The following DLG2 variants were observed in gnomAD, a reference collection of about 807,000 sequenced individuals.
DLG2 encodes discs large MAGUK scaffold protein 2, also known as disks large homolog 2.
DLG2 carries 45 observed loss-of-function variants against 132.5 expected under a neutral mutation model. The ratio of observed to expected loss-of-function variants is 0.34; its 90% CI spans 0.27 to 0.44. DLG2 has a LOEUF of 0.44. Ranked by LOEUF, DLG2 falls within the 20% of genes least tolerant of loss-of-function variation. The probability of loss-of-function intolerance (pLI) is 1.00; values close to 1 mark genes in which losing one functional copy is unlikely to be tolerated. For synonymous variants in DLG2, 424 were observed against 419.6 expected, an observed-to-expected ratio of 1.01 and a Z score of -0.13; for missense variants, 1,045 against 1,196.9, an observed-to-expected ratio of 0.87 and a Z score of 1.87.
chr11:84,321,477 A>G (rs983134680), intron 7 of DLG2, among the ~76,000 whole-genome samples: 5 of 152,182 alleles, frequency 3.3e-5, no homozygotes, highest in Admixed American at 2.6e-4. Context: ...ATCATGACCC[A>G]TGTGATCTGG....
At chr11:85,399,878 C>T (rs1172647819) in intron 3 of DLG2, among the ~76,000 whole-genome samples, 1 of 152,024 alleles carries the variant, frequency 6.6e-6, no homozygotes, top group Non-Finnish European at 1.5e-5. Context: ...TGGGCAAGGA[C>T]TTCATGTCTA....
At chr11:85,214,799 T>G (rs568493617) in intron 4 of DLG2, among the ~76,000 whole-genome samples, 1 of 152,316 alleles carries the variant, frequency 6.6e-6, no homozygotes, top group East Asian at 1.9e-4. Context: ...ACAAGACCAA[T>G]AAATACTCTG....
At chr11:83,996,346 A>G (rs1204834981) in intron 11 of DLG2, among the ~76,000 whole-genome samples, 1 of 152,188 alleles carries the variant, frequency 6.6e-6, no homozygotes, top group Non-Finnish European at 1.5e-5. Flanking sequence ...GGATATGGGA[A>G]AAAGGTAACC....
chr11:84,475,580 A>C (rs2154491842), intron 7 of DLG2, among the ~76,000 whole-genome samples: 1 of 152,174 alleles, frequency 6.6e-6, no homozygotes, highest in East Asian at 1.9e-4. Flanking sequence ...ATTGTTTTGC[A>C]ACCTAGTTGT....
At chr11:84,364,558 G>A (rs2098670406) in intron 7 of DLG2, among the ~76,000 whole-genome samples, 2 of 152,136 alleles carry the variant, frequency 1.3e-5, no homozygotes, top group Non-Finnish European at 2.9e-5. Context: ...TCGAATAGGA[G>A]TGGTGAGAGA....
intron 7 of DLG2, among the ~76,000 whole-genome samples, chr11:84,498,680 T>G (rs921907944): frequency 6.6e-6 from 1 of 152,220 alleles, no homozygotes; most frequent in Non-Finnish European, 1.5e-5. Context: ...TATGAAGTGC[T>G]GAGGCAGCCA....
chr11:85,146,021 A>C (rs1476451506), intron 5 of DLG2, among the ~76,000 whole-genome samples: 1 of 152,090 alleles, frequency 6.6e-6, no homozygotes, highest in Non-Finnish European at 1.5e-5. Context: ...TGGTGATCGA[A>C]GTCTCTGGTC....
At chr11:85,114,845 G>A (rs1167523270) in intron 5 of DLG2, among the ~76,000 whole-genome samples, 1 of 151,518 alleles carries the variant, frequency 6.6e-6, no homozygotes, top group Non-Finnish European at 1.5e-5. Flanking sequence ...TTTTTTTTGT[G>A]TATCAGGGGC....
chr11:83,827,800 G>T (rs2053312483), intron 17 of DLG2, among the ~76,000 whole-genome samples: 1 of 152,226 alleles, frequency 6.6e-6, no homozygotes, highest in South Asian at 2.1e-4. Flanking sequence ...TCTGCAGAAA[G>T]AATGCCTGAG....
In DLG2 at chr11:84,142,648, C is replaced by T. The variant is rs970682863; in HGVS notation, c.624+20813G>A. Among the ~76,000 whole-genome samples the T allele has an allele frequency of 5.7e-4, 86 of 152,034 alleles. 1 individual carries two copies. The highest frequency in any genetic ancestry group is 2.0e-3 in the African/African-American group (82 of 41,400). ...GAGAGTCATCCAATCTGTTGAGGTC[C>T]CAGATAGAACAAAAAGGCAGAGGAA... On this transcript the variant is annotated intron_variant, in intron 9 of 27. Coordinates refer to ENST00000376104, the MANE Select transcript of DLG2 (RefSeq NM_001142699.3).
At chr11:83,993,981 T>C (rs1592604140) in intron 11 of DLG2, among the ~76,000 whole-genome samples, 1 of 152,120 alleles carries the variant, frequency 6.6e-6, no homozygotes, top group East Asian at 1.9e-4. Flanking sequence ...CGGTGGATCT[T>C]GAAAAATTTC....
At chr11:85,275,154 C>T (rs2077808412) in intron 4 of DLG2, among the ~76,000 whole-genome samples, 1 of 152,134 alleles carries the variant, frequency 6.6e-6, no homozygotes, top group Admixed American at 6.5e-5. Context: ...GAAGCTTTCC[C>T]TCAGCCCAAC....
At chr11:83,863,917 A>G (rs2061853319) in intron 16 of DLG2, among the ~76,000 whole-genome samples, 1 of 152,178 alleles carries the variant, frequency 6.6e-6, no homozygotes, top group Admixed American at 6.6e-5. Flanking sequence ...GGATGCTCAC[A>G]CATTTTATTA....
At chr11:84,571,645 T>C (rs2099485313) in intron 6 of DLG2, among the ~76,000 whole-genome samples, 1 of 152,120 alleles carries the variant, frequency 6.6e-6, no homozygotes, top group African/African-American at 2.4e-5. Context: ...GCACACTTTT[T>C]TTCTACACAG....
At chr11:84,107,894 T>G (rs181554828) in intron 9 of DLG2, among the ~76,000 whole-genome samples, 58 of 152,160 alleles carry the variant, frequency 3.8e-4, no homozygotes, top group Non-Finnish European at 7.8e-4. Context: ...GAGAGACACT[T>G]AGGGATCAGC....
intron 6 of DLG2, among the ~76,000 whole-genome samples, chr11:84,787,142 C>T (rs2073037387): frequency 6.6e-6 from 1 of 152,130 alleles, no homozygotes; most frequent in South Asian, 2.1e-4. Context: ...ACTCATGCCC[C>T]AGTACCCCAG....
At chr11:85,301,879 A>C (rs771814552) in intron 3 of DLG2, among the ~76,000 whole-genome samples, 1 of 152,228 alleles carries the variant, frequency 6.6e-6, no homozygotes, top group Non-Finnish European at 1.5e-5. Flanking sequence ...GCTATGGATG[A>C]TATAAGAAAA....
chr11:84,618,631 G>A (rs2099608651), intron 6 of DLG2, among the ~76,000 whole-genome samples: 1 of 152,002 alleles, frequency 6.6e-6, no homozygotes, highest in African/African-American at 2.4e-5. Flanking sequence ...GACCAAAGTG[G>A]CTCAAACTCA....
At chr11:83,896,569 T>G (rs2071757046) in intron 15 of DLG2, among the ~76,000 whole-genome samples, 1 of 152,272 alleles carries the variant, frequency 6.6e-6, no homozygotes, top group Non-Finnish European at 1.5e-5. Flanking sequence ...GGCACAAGTC[T>G]GACTACATTC....
Sources: gnomAD v4.1 joint callset for allele counts (sites outside exome capture counted in the v4.1 genomes callset) on GRCh38, gnomAD v4.1.1 for gene constraint, MANE v1.5 for transcripts, NCBI Gene and HGNC (gene_info 2026-07-23, HGNC 2026-07-21) for gene names.